SHANK2: variants seen among roughly 807,000 people sequenced by gnomAD.
SHANK2 encodes the protein SH3 and multiple ankyrin repeat domains 2.
A neutral mutation model predicts 133.7 loss-of-function variants in SHANK2; 43 were observed. The observed-to-expected ratio is 0.32, with a 90% CI of 0.25 to 0.41. The LOEUF (loss-of-function observed/expected upper bound fraction) is 0.41. SHANK2 is among the 10% of genes least tolerant of loss of function. The pLI is 1.00. For synonymous variants in SHANK2, 1,017 were observed against 952.8 expected, an observed-to-expected ratio of 1.07 and a Z score of -1.24; for missense variants, 1,994 against 2,235.8, an observed-to-expected ratio of 0.89 and a Z score of 2.18.
At chr11:71,152,691 G>A (rs1232106457) in intron 2 of SHANK2, among the ~76,000 whole-genome samples, 6 of 152,188 alleles carry the variant, frequency 3.9e-5, no homozygotes, top group Non-Finnish European at 8.8e-5. Context: ...AAGAGGAACC[G>A]GGATTTCGTG....
chr11:70,579,869 G>T (rs1417574854), intron 17 of SHANK2, among the ~76,000 whole-genome samples: 1 of 152,230 alleles, frequency 6.6e-6, no homozygotes, highest in African/African-American at 2.4e-5. Flanking sequence ...GGAAGCAGAA[G>T]TTGGAGGGAT....
chr11:70,901,179 C>T (rs1268120458), intron 10 of SHANK2, among the ~76,000 whole-genome samples: 1 of 152,174 alleles, frequency 6.6e-6, no homozygotes, highest in East Asian at 1.9e-4. Context: ...AAAGTCAAGA[C>T]ATTCACTCAA....
chr11:70,860,907 T>A (rs1424003327), intron 11 of SHANK2, among the ~76,000 whole-genome samples: 1 of 152,174 alleles, frequency 6.6e-6, no homozygotes, highest in African/African-American at 2.4e-5. Flanking sequence ...ATGTGAATCA[T>A]ACCACAAAGC....
At chr11:71,084,172 C>T (rs1160674075) in intron 8 of SHANK2, among the ~76,000 whole-genome samples, 3 of 152,070 alleles carry the variant, frequency 2.0e-5, no homozygotes, top group Non-Finnish European at 4.4e-5. Flanking sequence ...GGGGTTTCAC[C>T]GTGTTAGCCA....
intron 17 of SHANK2, among the ~76,000 whole-genome samples, chr11:70,617,275 TG>T (rs1397112222): frequency 1.3e-5 from 2 of 151,358 alleles, no homozygotes; most frequent in African/African-American, 4.9e-5. Context: ...ATGTCTATGA[TG>T]GTGTATGTTT....
At chr11:71,155,354 G>A (rs1157720341) in intron 2 of SHANK2, among the ~76,000 whole-genome samples, 2 of 134,326 alleles carry the variant, frequency 1.5e-5, no homozygotes, top group Non-Finnish European at 3.2e-5. Context: ...CAGAGAGGTG[G>A]ACCTACCCCA....
intron 9 of SHANK2, among the ~76,000 whole-genome samples, chr11:71,057,222 T>C (rs1172602669): frequency 6.6e-6 from 1 of 152,048 alleles, no homozygotes; most frequent in African/African-American, 2.4e-5. Context: ...TAATCCCAGC[T>C]ACTCAGGAGG....
chr11:70,949,982 C>T, intron 10 of SHANK2: 1 of 448,190 alleles, frequency 2.2e-6, no homozygotes, highest in Non-Finnish European at 4.5e-6. Context: ...GGTGCGGTGC[C>T]TGGGGAGGGC....
intron 10 of SHANK2, among the ~76,000 whole-genome samples, chr11:70,916,375 C>T (rs1276859944): frequency 6.6e-6 from 1 of 152,130 alleles, no homozygotes; most frequent in Admixed American, 6.6e-5. Context: ...CTCGCCAACC[C>T]GGCTGGCCAT....
intron 13 of SHANK2, 149 bp downstream of exon 13, chr11:70,806,853 A>T: frequency 3.4e-6 from 2 of 589,676 alleles, no homozygotes; most frequent in Non-Finnish European, 6.0e-6. Flanking sequence ...GGGTCTGGGA[A>T]CGTCACTCTG....
At chr11:70,727,817 C>T (rs1202688299) in intron 14 of SHANK2, among the ~76,000 whole-genome samples, 1 of 152,198 alleles carries the variant, frequency 6.6e-6, no homozygotes, top group East Asian at 1.9e-4. Flanking sequence ...CCTCTGTTCC[C>T]CCAAGACGCT....
chr11:70,644,025 G>A (rs1234468045), intron 17 of SHANK2, among the ~76,000 whole-genome samples: 1 of 152,186 alleles, frequency 6.6e-6, no homozygotes, highest in Non-Finnish European at 1.5e-5. Flanking sequence ...GCGGCGAGCA[G>A]GGGTTATCAC....
chr11:70,637,260 C>G (rs1440287370), intron 17 of SHANK2, among the ~76,000 whole-genome samples: 1 of 152,172 alleles, frequency 6.6e-6, no homozygotes, highest in East Asian at 1.9e-4. Flanking sequence ...CCCCAGCACT[C>G]AGGCTCTGTG....
At chr11:70,771,121 T>C (rs1476470705) in intron 14 of SHANK2, among the ~76,000 whole-genome samples, 2 of 152,004 alleles carry the variant, frequency 1.3e-5, no homozygotes, top group African/African-American at 4.8e-5. Flanking sequence ...GAGATGAGTT[T>C]TCATCATGTT....
chr11:70,698,465 C>T (rs1945446575), intron 15 of SHANK2, among the ~76,000 whole-genome samples: 1 of 152,368 alleles, frequency 6.6e-6, no homozygotes, highest in African/African-American at 2.4e-5. Flanking sequence ...GGGGCCACCA[C>T]ACAGGTGTGC....
At chr11:71,148,843 G>C (rs1555107297) in intron 2 of SHANK2, among the ~76,000 whole-genome samples, 20 of 152,162 alleles carry the variant, frequency 1.3e-4, no homozygotes. Context: ...CCAGATAAAG[G>C]CTGGAAAGAT....
intron 11 of SHANK2, among the ~76,000 whole-genome samples, chr11:70,870,398 TC>T (rs1460786069): frequency 5.3e-5 from 8 of 152,214 alleles, no homozygotes; most frequent in African/African-American, 1.9e-4. Context: ...CCAGGAAAGA[TC>T]TAGGAAGGTT....
chr11:70,506,183 T>G (rs1397286531), intron 17 of SHANK2, among the ~76,000 whole-genome samples: 3 of 152,182 alleles, frequency 2.0e-5, no homozygotes, highest in African/African-American at 7.2e-5. Flanking sequence ...ACCTTCCTTG[T>G]CTGTAGCCGA....
At chr11:71,090,047 C>A (rs1951478959) in intron 8 of SHANK2, among the ~76,000 whole-genome samples, 1 of 152,138 alleles carries the variant, frequency 6.6e-6, no homozygotes, top group East Asian at 1.9e-4. Context: ...GCTGCTTCCA[C>A]ATTCAGGATA....
Sources: gnomAD v4.1 joint callset for allele counts (sites outside exome capture counted in the v4.1 genomes callset) on GRCh38, gnomAD v4.1.1 for gene constraint, MANE v1.5 for transcripts, NCBI Gene and HGNC (gene_info 2026-07-23, HGNC 2026-07-21) for gene names.